The following PCDH15 variants were observed in gnomAD, a reference collection of about 807,000 sequenced individuals.
The protein encoded by PCDH15 is protocadherin-15.
Under a neutral mutation model 178.5 loss-of-function variants are expected in PCDH15, and 129 were observed. The ratio of observed to expected loss-of-function variants is 0.72; its 90% CI spans 0.63 to 0.84. PCDH15 has a LOEUF of 0.84. Among genes scored for constraint, PCDH15 ranks in the 40% least tolerant of loss-of-function variants. The pLI is 0.00. For synonymous variants in PCDH15, 800 were observed against 732.0 expected (o/e 1.09, Z -1.50); for missense variants, 2,230 against 2,099.9 (o/e 1.06, Z -1.21).
chr10:54,721,999 C>T (rs1469472986), intron 1 of PCDH15, among the ~76,000 whole-genome samples: 1 of 151,802 alleles, frequency 6.6e-6, no homozygotes, highest in East Asian at 1.9e-4. Flanking sequence ...TCCAACAGCA[C>T]ATCAAATATA....
At chr10:55,459,281 C>T (rs7088349) in intron 2 of PCDH15, among the ~76,000 whole-genome samples, 113,924 of 149,224 alleles carry the variant, frequency 0.76, 44,839 homozygotes, top group East Asian at 0.99. Flanking sequence ...CAAATATTCA[C>T]GGTAAATTAC....
intron 1 of PCDH15, among the ~76,000 whole-genome samples, chr10:54,770,025 C>A (rs1948918350): frequency 6.6e-6 from 1 of 152,090 alleles, no homozygotes; most frequent in Non-Finnish European, 1.5e-5. Flanking sequence ...TTTACTTCTT[C>A]AGTCATCCTG....
rs1264266758 is a variant in PCDH15 at position 54,762,882 on chromosome 10, AAC to A, written c.-29+38041_-29+38042del. ...GCAATAAAATGAAATACAATTGTGA[AAC>A]ACATATTTTATATAAAGTATAGTTG... is the stretch of plus-strand genomic sequence containing the variant. On this transcript the variant is annotated intron_variant, in intron 1 of 37. Transcript: ENST00000644397. Among the ~76,000 whole-genome samples, 7 of 152,182 alleles carry A rather than the reference AAC, an allele frequency of 4.6e-5. 1 individual carries two copies. The highest frequency in any genetic ancestry group is 8.8e-5 in the Non-Finnish European group (6 of 68,034).
chr10:55,291,588 T>A (rs976309678), intron 1 of PCDH15, among the ~76,000 whole-genome samples: 7 of 152,178 alleles, frequency 4.6e-5, no homozygotes, highest in Admixed American at 4.6e-4. Flanking sequence ...CAGATGTCTT[T>A]ACTAAGTTAA....
At chr10:55,467,372 A>T (rs1360742) in intron 2 of PCDH15, among the ~76,000 whole-genome samples, 1 of 89,950 alleles carries the variant, frequency 1.1e-5, no homozygotes. Context: ...TCTTGGCCTG[A>T]CTTTTTTTTT....
At chr10:54,887,206 T>A (rs1305299633) in intron 3 of PCDH15, among the ~76,000 whole-genome samples, 3 of 152,162 alleles carry the variant, frequency 2.0e-5, no homozygotes, top group Admixed American at 2.0e-4. Flanking sequence ...AATTGATAAA[T>A]CAAAAGTCTC....
rs576707825 is a variant in PCDH15 at position 54,582,775 on chromosome 10, A to G, written c.92-54898T>C. On this transcript the variant is annotated intron_variant, in intron 2 of 37. Coordinates refer to ENST00000644397, the MANE Select transcript of PCDH15 (RefSeq NM_001384140.1). Reference sequence around the variant, plus strand: ...AGAAAATTAAAAAATATAGCTGGGAATGGTGGTGCACACCTCTCGGCAGGA... The same window carrying G: ...AGAAAATTAAAAAATATAGCTGGGAGTGGTGGTGCACACCTCTCGGCAGGA... Among the ~76,000 whole-genome samples, 5 of 152,102 alleles carry G rather than the reference A, an allele frequency of 3.3e-5. No homozygotes were observed. The South Asian group carries it at 1.0e-3, about 32-fold the overall frequency.
At chr10:54,510,364 G>C (rs1258870261) in intron 3 of PCDH15, among the ~76,000 whole-genome samples, 1 of 152,168 alleles carries the variant, frequency 6.6e-6, no homozygotes, top group African/African-American at 2.4e-5. Flanking sequence ...AACATAATTG[G>C]AGCATCGGTG....
intron 1 of PCDH15, among the ~76,000 whole-genome samples, chr10:55,254,986 TAC>T (rs1841950779): frequency 6.6e-6 from 1 of 151,948 alleles, no homozygotes. Context: ...AGTTTTAGGG[TAC>T]AGGTGCACAA....
intron 3 of PCDH15, among the ~76,000 whole-genome samples, chr10:54,888,654 T>A (rs570227438): frequency 6.2e-4 from 94 of 152,066 alleles, no homozygotes; most frequent in Non-Finnish European, 1.0e-3. Context: ...TTTAGTAGTT[T>A]TAGAAATTCT....
intron 1 of PCDH15, among the ~76,000 whole-genome samples, chr10:55,169,633 G>C (rs1163115897): frequency 6.6e-6 from 1 of 152,246 alleles, no homozygotes; most frequent in Non-Finnish European, 1.5e-5. Context: ...ACTTTGATTT[G>C]TGAAGCCATA....
intron 2 of PCDH15, among the ~76,000 whole-genome samples, chr10:54,938,540 T>C (rs1325174303): frequency 6.6e-6 from 1 of 152,142 alleles, no homozygotes; most frequent in African/African-American, 2.4e-5. Flanking sequence ...ATTTATGAAG[T>C]AAGGCATCTG....
chr10:54,639,131 A>C (rs987681169), intron 2 of PCDH15, among the ~76,000 whole-genome samples: 1 of 152,194 alleles, frequency 6.6e-6, no homozygotes, highest in East Asian at 1.9e-4. Flanking sequence ...TCCAAAATTA[A>C]TAGCTGTGCT....
chr10:55,094,326 G>T (rs1191758653), intron 2 of PCDH15, among the ~76,000 whole-genome samples: 3 of 151,874 alleles, frequency 2.0e-5, no homozygotes, highest in African/African-American at 7.3e-5. Flanking sequence ...TCACTCATAG[G>T]TGGGAATTGA....
chr10:54,841,713 A>G (rs1398393727), intron 3 of PCDH15, among the ~76,000 whole-genome samples: 1 of 151,844 alleles, frequency 6.6e-6, no homozygotes, highest in Middle Eastern at 3.2e-3. Flanking sequence ...AAAAAATTTA[A>G]AGTTCACCAA....
At chr10:54,935,303 T>C (rs1837877352) in intron 2 of PCDH15, among the ~76,000 whole-genome samples, 1 of 152,204 alleles carries the variant, frequency 6.6e-6, no homozygotes, top group South Asian at 2.1e-4. Flanking sequence ...AAATTCTGCA[T>C]TCATTCACTA....
chr10:53,951,465 A>G (rs2087036468), intron 23 of PCDH15, among the ~76,000 whole-genome samples: 1 of 152,242 alleles, frequency 6.6e-6, no homozygotes, highest in African/African-American at 2.4e-5. Flanking sequence ...TAGTAGAGCA[A>G]GAAGGAAGAA....
chr10:54,849,492 C>A (rs1953575139), intron 3 of PCDH15, among the ~76,000 whole-genome samples: 1 of 152,166 alleles, frequency 6.6e-6, no homozygotes, highest in South Asian at 2.1e-4. Context: ...GCACTCATCT[C>A]CAGGTTGTTC....
intron 1 of PCDH15, among the ~76,000 whole-genome samples, chr10:54,682,337 T>G (rs2094915881): frequency 6.6e-6 from 1 of 152,190 alleles, no homozygotes; most frequent in African/African-American, 2.4e-5. Flanking sequence ...GAAACTTCTC[T>G]TTCTCTTCTG....
Sources: gnomAD v4.1 joint callset for allele counts (sites outside exome capture counted in the v4.1 genomes callset) on GRCh38, gnomAD v4.1.1 for gene constraint, MANE v1.5 for transcripts, NCBI Gene and HGNC (gene_info 2026-07-23, HGNC 2026-07-21) for gene names.